Variants in HORMAD2 observed in about 807,000 individuals in gnomAD.
HORMAD2 encodes HORMA domain containing 2.
A neutral mutation model predicts 38.8 loss-of-function variants in HORMAD2; 45 were observed. The observed-to-expected ratio is 1.16, with a 90% CI of 0.91 to 1.49. HORMAD2 has a LOEUF of 1.49. Ranked by LOEUF, HORMAD2 falls within the 40% of genes most tolerant of loss-of-function variation. The pLI is 0.00. For missense variants in HORMAD2, 338 were observed against 367.0 expected (o/e 0.92, Z 0.65); for synonymous variants, 126 against 122.8 (o/e 1.03, Z -0.17).
chr22:30,090,143 G>C (rs1274518176), intron 1 of HORMAD2, among the ~76,000 whole-genome samples: 1 of 152,116 alleles, frequency 6.6e-6, no homozygotes, highest in Non-Finnish European at 1.5e-5. Context: ...CGGGTGGATT[G>C]CCTGAACCTA....
At chr22:30,190,600 C>G in the HORMAD2 span, among the ~76,000 whole-genome samples, 1 of 152,112 alleles carries the variant, frequency 6.6e-6, no homozygotes, top group Non-Finnish European at 1.5e-5. Context: ...GGAGGCTCAC[C>G]CAAGAGGGAA....
At chr22:30,094,628 T>C (rs2068750262) in intron 2 of HORMAD2, among the ~76,000 whole-genome samples, 1 of 152,168 alleles carries the variant, frequency 6.6e-6, no homozygotes, top group Admixed American at 6.5e-5. Flanking sequence ...GATTTATATA[T>C]ATGTGAAAAA....
chr22:30,156,757 A>G (rs1419326632), intron 10 of HORMAD2, among the ~76,000 whole-genome samples: 2 of 152,250 alleles, frequency 1.3e-5, no homozygotes, highest in Non-Finnish European at 2.9e-5. Flanking sequence ...AACCTCTGCA[A>G]GATTGTCCTT....
At chr22:30,174,066 A>C (rs188951887) in intron 10 of HORMAD2, among the ~76,000 whole-genome samples, 46 of 152,310 alleles carry the variant, frequency 3.0e-4, no homozygotes, top group Non-Finnish European at 7.3e-5. Flanking sequence ...TTTCAGATAC[A>C]TATGTGGATA....
intron 2 of HORMAD2, among the ~76,000 whole-genome samples, chr22:30,094,293 G>C (rs2068743555): frequency 6.6e-6 from 1 of 152,156 alleles, no homozygotes; most frequent in African/African-American, 2.4e-5. Context: ...TAAAGAGAAT[G>C]GTTCTTGGTT....
intron 1 of HORMAD2, among the ~76,000 whole-genome samples, chr22:30,092,811 T>G (rs1486486512): frequency 6.6e-6 from 1 of 152,192 alleles, no homozygotes; most frequent in Non-Finnish European, 1.5e-5. Flanking sequence ...TAGGCAGATT[T>G]ATTTCTGGGT....
At chr22:30,113,071 C>T (rs181411453) in intron 7 of HORMAD2, among the ~76,000 whole-genome samples, 1 of 152,140 alleles carries the variant, frequency 6.6e-6, no homozygotes, top group African/African-American at 2.4e-5. Context: ...GGGAATCCGA[C>T]TCATCTTCAA....
intron 10 of HORMAD2, among the ~76,000 whole-genome samples, chr22:30,167,060 G>T (rs530572052): frequency 3.8e-4 from 58 of 152,194 alleles, no homozygotes; most frequent in Non-Finnish European, 7.4e-4. Context: ...AAATCAAGAT[G>T]TCAGCAGAGC....
chr22:30,193,447 C>A, the HORMAD2 span, among the ~76,000 whole-genome samples: 1 of 152,140 alleles, frequency 6.6e-6, no homozygotes, highest in Non-Finnish European at 1.5e-5. Context: ...CATATAAAAT[C>A]ATTAAACCTT....
At chr22:30,173,234 A>G (rs1926227873) in intron 10 of HORMAD2, among the ~76,000 whole-genome samples, 1 of 152,230 alleles carries the variant, frequency 6.6e-6, no homozygotes, top group Non-Finnish European at 1.5e-5. Flanking sequence ...GTCCATGGGA[A>G]GTTATTAATG....
intron 5 of HORMAD2, among the ~76,000 whole-genome samples, chr22:30,108,312 T>C (rs952080315): frequency 2.0e-5 from 3 of 152,154 alleles, no homozygotes; most frequent in East Asian, 1.9e-4. Flanking sequence ...TTCCACAGCT[T>C]TTAAAATAAA....
At chr22:30,102,506 C>G (rs1920956156) in intron 3 of HORMAD2, among the ~76,000 whole-genome samples, 1 of 152,044 alleles carries the variant, frequency 6.6e-6, no homozygotes, top group African/African-American at 2.4e-5. Flanking sequence ...TTTTCATATC[C>G]CTCAATAGAG....
the HORMAD2 span, among the ~76,000 whole-genome samples, chr22:30,190,402 C>T: frequency 6.6e-5 from 10 of 152,178 alleles, no homozygotes; most frequent in Non-Finnish European, 1.2e-4. Flanking sequence ...GCATTGAATT[C>T]CCCCGACTAC....
At chr22:30,145,153 T>C (rs1243433467) in intron 10 of HORMAD2, among the ~76,000 whole-genome samples, 1 of 152,202 alleles carries the variant, frequency 6.6e-6, no homozygotes, top group African/African-American at 2.4e-5. Context: ...AAATAGTTTT[T>C]AGCAGTTTTG....
chr22:30,184,053 A>G, the HORMAD2 span, among the ~76,000 whole-genome samples: 1 of 152,218 alleles, frequency 6.6e-6, no homozygotes, highest in African/African-American at 2.4e-5. Context: ...TGGGTCCCAG[A>G]ATATGCATGT....
intron 10 of HORMAD2, among the ~76,000 whole-genome samples, chr22:30,124,594 T>A (rs1359854277): frequency 6.6e-6 from 1 of 152,228 alleles, no homozygotes; most frequent in Non-Finnish European, 1.5e-5. Flanking sequence ...AATTTGTATA[T>A]CAAAGTAATC....
At chr22:30,204,823 C>T in the HORMAD2 span, among the ~76,000 whole-genome samples, 1 of 152,212 alleles carries the variant, frequency 6.6e-6, no homozygotes, top group South Asian at 2.1e-4. Context: ...AAGAGCTCCC[C>T]AGGCTGCTGC....
chr22:30,125,783 G>C (rs1337535030), intron 10 of HORMAD2, among the ~76,000 whole-genome samples: 1 of 152,026 alleles, frequency 6.6e-6, no homozygotes, highest in African/African-American at 2.4e-5. Flanking sequence ...TTAAATTCAA[G>C]AATAATAAAC....
chr22:30,206,079 C>T, the HORMAD2 span, among the ~76,000 whole-genome samples: 1 of 152,156 alleles, frequency 6.6e-6, no homozygotes, highest in African/African-American at 2.4e-5. Context: ...TTTCTTGCTT[C>T]ATTCTGACCA....
Sources: allele counts gnomAD v4.1 joint callset (sites outside exome capture counted in the v4.1 genomes callset), GRCh38; gene constraint gnomAD v4.1.1; transcripts MANE v1.5; gene names NCBI Gene and HGNC (gene_info 2026-07-23, HGNC 2026-07-21).